The following DTWD2 variants were observed in gnomAD, a reference collection of about 807,000 sequenced individuals.
The protein encoded by DTWD2 is DTW motif tRNA-uridine aminocarboxypropyltransferase 2, also known as tRNA-uridine aminocarboxypropyltransferase 2.
DTWD2 carries 39 observed loss-of-function variants against 31.8 expected under a neutral mutation model. The ratio of observed to expected loss-of-function variants is 1.22; its 90% CI spans 0.95 to 1.60. The LOEUF (loss-of-function observed/expected upper bound fraction) is 1.60. Ranked by LOEUF, DTWD2 falls within the 40% of genes most tolerant of loss-of-function variation. The pLI is 0.00. For synonymous variants in DTWD2, 180 were observed against 142.8 expected (o/e 1.26, Z -1.86); for missense variants, 515 against 381.5 (o/e 1.35, Z -2.92).
Position 118,915,034 on chromosome 5 carries a change from T to A in DTWD2, c.597+13503A>T, listed in dbSNP as rs572174134. The stretch of plus-strand genomic sequence containing the variant: ...ATGAGTCCAGGGATCGAGACAAACA[T>A]GATAGAATCCTGTCTCTACTAAAAA... On this transcript the variant is annotated intron_variant, in intron 4 of 5. Coordinates refer to ENST00000510708, the MANE Select transcript of DTWD2 (RefSeq NM_173666.4). Among the ~76,000 whole-genome samples the A allele has an allele frequency of 2.2e-4, 33 of 152,154 alleles. No homozygotes were observed. The East Asian group carries it at 6.2e-3, about 29-fold the overall frequency.
intron 1 of DTWD2, among the ~76,000 whole-genome samples, chr5:118,986,801 A>C (rs1755437717): frequency 6.6e-6 from 1 of 151,996 alleles, no homozygotes; most frequent in South Asian, 2.1e-4. Flanking sequence ...ACAAGAAATA[A>C]GCAAAGTGTA....
intron 1 of DTWD2, among the ~76,000 whole-genome samples, chr5:118,983,518 T>C (rs999686284): frequency 6.6e-6 from 1 of 151,538 alleles, no homozygotes; most frequent in African/African-American, 2.4e-5. Context: ...ATTTTCTCTC[T>C]CTCTCTCTCT....
Position 118,974,274 on chromosome 5 carries a change from G to A in DTWD2, c.218+14020C>T, listed in dbSNP as rs556863216. Among the ~76,000 whole-genome samples the A allele has an allele frequency of 2.2e-3, 328 of 152,074 alleles. 1 individual carries two copies. The highest frequency in any genetic ancestry group is 7.4e-3 in the African/African-American group (305 of 41,480). ...ACAGTGCCACCCGCAGATGACACGC[G>A]CTCTCCACCACCCAACCCAAACCAT... is the stretch of plus-strand genomic sequence containing the variant. On this transcript the variant is annotated intron_variant, in intron 1 of 5. Transcript: ENST00000510708.
rs369717811 is a variant in DTWD2, at chr5:118,988,367, C to T, written c.145G>A (p.Asp49Asn). The T allele has an allele frequency of 6.4e-6, 10 of 1,571,556 alleles. No homozygotes were observed. The highest frequency in any genetic ancestry group is 2.7e-5 in the African/African-American group (2 of 73,372). ...TCCCACAGCCCGTCCGCACTGTCGT[C>T]GTCCGCCTCTGCGCCCAGGGCAGCC... ...AAAALGAEADDDSADGLWELP... is the reference protein window; with the variant it reads ...AAAALGAEADNDSADGLWELP... The change falls in exon 1 of 6, where the codon GAC (aspartate) becomes AAC (asparagine). Residue 49 changes from aspartate to asparagine, a missense_variant. Coordinates refer to ENST00000510708, the MANE Select transcript of DTWD2 (RefSeq NM_173666.4).
At chr5:118,955,151 C>T (rs1174352220) in intron 1 of DTWD2, among the ~76,000 whole-genome samples, 2 of 152,128 alleles carry the variant, frequency 1.3e-5, no homozygotes, top group African/African-American at 4.8e-5. Context: ...ATTGCTTTAA[C>T]TCATGATTTT....
At chr5:118,928,511 A>C (rs770015857) in intron 4 of DTWD2, 26 bp downstream of exon 4, 17 of 1,407,394 alleles carry the variant, frequency 1.2e-5, no homozygotes, top group East Asian at 2.4e-5. Context: ...ATTTATATTT[A>C]TTCTCTGTTA....
chr5:118,958,021 C>A (rs1754626120), intron 1 of DTWD2, among the ~76,000 whole-genome samples: 1 of 152,054 alleles, frequency 6.6e-6, no homozygotes, highest in Non-Finnish European at 1.5e-5. Flanking sequence ...AAAATGCACC[C>A]TAATTTTTTT....
intron 5 of DTWD2, among the ~76,000 whole-genome samples, chr5:118,847,609 A>AT (rs59328076): frequency 0.28 from 42,163 of 149,344 alleles, 6,836 homozygotes; most frequent in African/African-American, 0.45. Flanking sequence ...TTCTCTAGGC[A>AT]TTTTTTTTTT....
intron 2 of DTWD2, among the ~76,000 whole-genome samples, chr5:118,943,760 T>C (rs1266527362): frequency 6.6e-6 from 1 of 152,098 alleles, no homozygotes; most frequent in Non-Finnish European, 1.5e-5. Context: ...AATAAGTGTT[T>C]CATCATTTGA....
intron 2 of DTWD2, among the ~76,000 whole-genome samples, chr5:118,944,041 T>G (rs762710757): frequency 6.6e-6 from 1 of 152,240 alleles, no homozygotes; most frequent in African/African-American, 2.4e-5. Flanking sequence ...CTGGCACATA[T>G]GTATTTTACC....
At chr5:118,970,120 G>T (rs1434906526) in intron 1 of DTWD2, among the ~76,000 whole-genome samples, 1 of 152,180 alleles carries the variant, frequency 6.6e-6, no homozygotes, top group East Asian at 1.9e-4. Context: ...AGGACAGAAA[G>T]ACAAGAATAG....
chr5:118,938,519 G>C (rs1025747942), intron 3 of DTWD2, among the ~76,000 whole-genome samples: 1 of 151,986 alleles, frequency 6.6e-6, no homozygotes, highest in Non-Finnish European at 1.5e-5. Flanking sequence ...TATATTAATA[G>C]TTCTAATTTG....
intron 4 of DTWD2, among the ~76,000 whole-genome samples, chr5:118,909,972 G>T (rs1202573439): frequency 6.6e-6 from 1 of 152,052 alleles, no homozygotes; most frequent in Non-Finnish European, 1.5e-5. Flanking sequence ...AGAGTAGCAG[G>T]CCCAGTGGTC....
intron 1 of DTWD2, among the ~76,000 whole-genome samples, chr5:118,979,207 G>A (rs962662781): frequency 6.6e-6 from 1 of 151,720 alleles, no homozygotes; most frequent in African/African-American, 2.4e-5. Context: ...GGGAGGCTGA[G>A]GCAGGAGAAT....
chr5:118,859,807 G>A (rs1752219110), intron 4 of DTWD2, among the ~76,000 whole-genome samples: 2 of 152,078 alleles, frequency 1.3e-5, no homozygotes, highest in South Asian at 4.1e-4. Context: ...TATAAAAATA[G>A]GAATAAATAC....
chr5:118,966,264 T>A (rs1424163477), intron 1 of DTWD2, among the ~76,000 whole-genome samples: 2 of 152,218 alleles, frequency 1.3e-5, no homozygotes, highest in African/African-American at 2.4e-5. Flanking sequence ...TCAAAAAATA[T>A]GATAAAATGT....
chr5:118,843,338 G>A (rs1163295736), intron 5 of DTWD2, among the ~76,000 whole-genome samples: 1 of 147,050 alleles, frequency 6.8e-6, no homozygotes, highest in Non-Finnish European at 1.5e-5. Flanking sequence ...AGCGAGGGAG[G>A]GAGGGAGGCA....
At chr5:118,926,402 G>A (rs941286677) in intron 4 of DTWD2, among the ~76,000 whole-genome samples, 2 of 152,058 alleles carry the variant, frequency 1.3e-5, no homozygotes, top group African/African-American at 4.8e-5. Flanking sequence ...GTGGAAGGAG[G>A]GAGGTGAGGA....
chr5:118,977,836 A>C (rs1755200466), intron 1 of DTWD2, among the ~76,000 whole-genome samples: 1 of 152,240 alleles, frequency 6.6e-6, no homozygotes, highest in African/African-American at 2.4e-5. Flanking sequence ...AAACTATTTT[A>C]AAATTCATAT....
Sources: allele counts gnomAD v4.1 joint callset (sites outside exome capture counted in the v4.1 genomes callset), GRCh38; gene constraint gnomAD v4.1.1; transcripts MANE v1.5; gene names NCBI Gene and HGNC (gene_info 2026-07-23, HGNC 2026-07-21).